ARHGEF16: variants seen among roughly 807,000 people sequenced by gnomAD.
ARHGEF16 encodes the protein Rho guanine exchange factor (GEF) 16.
Under a neutral mutation model 74.1 loss-of-function variants are expected in ARHGEF16, and 59 were observed. The observed-to-expected ratio is 0.80, with a 90% confidence interval of 0.65 to 0.99. ARHGEF16 has a LOEUF of 0.99. Ranked by LOEUF, ARHGEF16 falls within the 50% of genes least tolerant of loss-of-function variation. The probability of loss-of-function intolerance (pLI) is 0.00; values close to 1 mark genes in which losing one functional copy is unlikely to be tolerated. For missense variants in ARHGEF16, 948 were observed against 986.6 expected (o/e 0.96, Z 0.52); for synonymous variants, 415 against 412.6 (o/e 1.01, Z -0.07).
intron 2 of ARHGEF16, among the ~76,000 whole-genome samples, chr1:3,465,158 A>G (rs1259962330): frequency 2.0e-5 from 3 of 152,202 alleles, no homozygotes; most frequent in Non-Finnish European, 2.9e-5. Flanking sequence ...TGTTTATTTC[A>G]TGCAGTCAGC....
Position 3,480,562 on chromosome 1 carries a change from G to A in ARHGEF16, c.2105G>A (p.Arg702His), listed in dbSNP as rs745691728. The A allele has an allele frequency of 1.3e-5, 21 of 1,609,648 alleles. No homozygotes were observed. Among genetic ancestry groups the A allele is most frequent in the South Asian group, 2.2e-5 (2 of 91,078 alleles). The change falls in exon 15 of 15, where the codon CGT becomes CAT. Residue 702 changes from arginine to histidine, a missense_variant. Coordinates refer to ENST00000378378, the MANE Select transcript of ARHGEF16 (RefSeq NM_014448.4). Reference protein sequence around the residue: ...AVEGNVRRMERLRVETDV With the variant: ...AVEGNVRRMEHLRVETDV The stretch of plus-strand genomic sequence containing the variant: ...GAGGGCAATGTCCGCAGGATGGAGC[G>A]TCTGCGGGTGGAGACGGACGTGTAG...
chr1:3,459,223 A>C (rs1350970128), intron 1 of ARHGEF16, among the ~76,000 whole-genome samples: 3 of 152,120 alleles, frequency 2.0e-5, no homozygotes, highest in Non-Finnish European at 4.4e-5. Flanking sequence ...CACATCAGCA[A>C]GACAGCCAGA....
intron 9 of ARHGEF16, 95 bp downstream of exon 9, chr1:3,474,877 C>T: frequency 1.9e-6 from 2 of 1,064,340 alleles, no homozygotes; most frequent in East Asian, 2.8e-5. Flanking sequence ...GGGCTGGCTT[C>T]CCCTACCTTC....
At chr1:3,478,842 T>G (rs1426935173) in intron 12 of ARHGEF16, among the ~76,000 whole-genome samples, 25 of 125,522 alleles carry the variant, frequency 2.0e-4, no homozygotes, top group East Asian at 4.4e-4. Flanking sequence ...CCACCAGGAG[T>G]GGGAACAAGG....
chr1:3,478,100 T>A, intron 11 of ARHGEF16, 74 bp downstream of exon 11: 1 of 1,597,858 alleles, frequency 6.3e-7, no homozygotes, highest in Non-Finnish European at 8.5e-7. Flanking sequence ...GGCAGGAGGG[T>A]ACAGGGAGTT....
At chr1:3,459,796 C>T (rs994627167) in intron 1 of ARHGEF16, among the ~76,000 whole-genome samples, 3 of 152,136 alleles carry the variant, frequency 2.0e-5, no homozygotes, top group African/African-American at 4.8e-5. Context: ...TGGGGCTCAG[C>T]GCCTTCTGCC....
Position 3,480,589 on chromosome 1 carries a change from C to T in ARHGEF16, c.*2C>T, listed in dbSNP as rs760216579. ...CTGCGGGTGGAGACGGACGTGTAGCCCTGGCGAGGCCAGCCGGCGGCAGCA... is the reference window on the plus strand; with the variant it reads ...CTGCGGGTGGAGACGGACGTGTAGCTCTGGCGAGGCCAGCCGGCGGCAGCA... On this transcript the variant is annotated 3_prime_UTR_variant, in exon 15 of 15. Coordinates refer to ENST00000378378, the MANE Select transcript of ARHGEF16 (RefSeq NM_014448.4). 192 of 1,603,942 alleles carry T rather than the reference C, an allele frequency of 1.2e-4. No individual in the cohort carries two copies. Among genetic ancestry groups the T allele is most frequent in the Non-Finnish European group, 1.6e-4 (188 of 1,178,628 alleles).
intron 1 of ARHGEF16, among the ~76,000 whole-genome samples, chr1:3,455,087 C>T (rs913478908): frequency 6.6e-6 from 1 of 151,932 alleles, no homozygotes; most frequent in African/African-American, 2.4e-5. Context: ...CCCGCCCGCT[C>T]GCTCGCTGCC....
At chr1:3,469,407 G>A (rs1281135110) in intron 5 of ARHGEF16, 26 bp from the exon 6 acceptor site, 2 of 1,611,480 alleles carry the variant, frequency 1.2e-6, no homozygotes, top group Admixed American at 3.3e-5. Flanking sequence ...CGTCACTGTG[G>A]GGCTCACCTA....
At position 3,480,650 on chromosome 1, in the gene ARHGEF16, C is replaced by T; in HGVS notation, c.*63C>T. 6.4e-7 allele frequency: 1 copy of T among 1,566,886 alleles called. No individual in the cohort carries two copies. The highest frequency in any genetic ancestry group is 1.7e-5 in the Admixed American group (1 of 57,714). Reference sequence around the variant, plus strand: ...CCAATCAGCAAGTGGTCGTGCCTGGCTCTAGAGAGCGTGGGGAGCTGGTCT... The same window carrying T: ...CCAATCAGCAAGTGGTCGTGCCTGGTTCTAGAGAGCGTGGGGAGCTGGTCT... On this transcript the variant is annotated 3_prime_UTR_variant, in exon 15 of 15. Transcript: ENST00000378378.
intron 1 of ARHGEF16, among the ~76,000 whole-genome samples, chr1:3,459,159 C>G (rs61759236): frequency 0.028 from 4,212 of 152,208 alleles, 74 homozygotes; most frequent in Middle Eastern, 0.048. Flanking sequence ...CACATCAGCA[C>G]GACAATCAGA....
intron 4 of ARHGEF16, chr1:3,468,584 G>A: frequency 9.1e-6 from 4 of 440,694 alleles, no homozygotes; most frequent in Non-Finnish European, 1.3e-5. Flanking sequence ...TGTGGGACAA[G>A]ATCCCCCCCC....
chr1:3,473,363 G>C (rs369113277), intron 7 of ARHGEF16, 30 bp from the exon 8 acceptor site: 1 of 1,586,538 alleles, frequency 6.3e-7, no homozygotes, highest in Non-Finnish European at 8.6e-7. Context: ...GCCATGCAGA[G>C]CCTGGAAGGA....
At chr1:3,468,648 G>T in intron 4 of ARHGEF16, 1 of 562,840 alleles carries the variant, frequency 1.8e-6, no homozygotes, top group Non-Finnish European at 3.2e-6. Flanking sequence ...CTGCTTTGGG[G>T]CTCTGGCGGC....
intron 4 of ARHGEF16, among the ~76,000 whole-genome samples, chr1:3,468,095 G>A (rs534831822): frequency 6.6e-6 from 1 of 152,296 alleles, no homozygotes; most frequent in South Asian, 2.1e-4. Flanking sequence ...GAAAGGCCTA[G>A]AAGTGCAGTC....
rs1640005645 is a variant in ARHGEF16, at chr1:3,479,812, A to T, written c.1889A>T (p.Asp630Val). The T allele has an allele frequency of 6.2e-7, 1 of 1,611,986 alleles. No homozygotes were observed. Residue 630 changes from aspartate to valine, a missense_variant and splice_region_variant, in exon 14 of 15, where the codon GAC (aspartate) becomes GTC (valine). Asp to Val is a radical substitution (Grantham distance 152). Transcript: ENST00000378378. ...RQWQGLSSKG[D>V]LPQVEITKAF... The stretch of plus-strand genomic sequence containing the variant: ...CTGTGATGGCCACTGCCCTATGCAG[A>T]CCTGCCCCAGGTGGAGATCACCAAG...
At chr1:3,469,136 C>T (rs1485343131) in intron 5 of ARHGEF16, among the ~76,000 whole-genome samples, 200 bp downstream of exon 5, 1 of 152,198 alleles carries the variant, frequency 6.6e-6, no homozygotes, top group Non-Finnish European at 1.5e-5. Context: ...AGCCCCTTCA[C>T]GTCACCGGGT....
intron 1 of ARHGEF16, among the ~76,000 whole-genome samples, chr1:3,456,191 C>T (rs113982633): frequency 2.0e-5 from 3 of 152,194 alleles, no homozygotes; most frequent in African/African-American, 7.2e-5. Context: ...CCCACAGGAC[C>T]ACCCTATGTG....
rs1276664849 is a variant in ARHGEF16 at position 3,463,405 on chromosome 1, C to T, written c.321C>T (p.Ser107=). ...CAAAGACCCCAGCCCGCCACCAGAG[C>T]TTCGGGGCGGCTGTACTTAGCAGGG... ...SKAKTPARHQ[S]FGAAVLSREA... is the part of the protein sequence containing the mutation. Residue 107 remains serine, a synonymous_variant, in exon 2 of 15, where the codon AGC becomes AGT. Coordinates refer to ENST00000378378, the MANE Select transcript of ARHGEF16 (RefSeq NM_014448.4). 1.3e-6 allele frequency: 2 copies of T among 1,550,114 alleles called. No homozygotes were observed. Among genetic ancestry groups the T allele is most frequent in the Non-Finnish European group, 1.7e-6 (2 of 1,146,848 alleles).
Sources: gnomAD v4.1 joint callset for allele counts (sites outside exome capture counted in the v4.1 genomes callset) on GRCh38, gnomAD v4.1.1 for gene constraint, MANE v1.5 for transcripts, NCBI Gene and HGNC (gene_info 2026-07-23, HGNC 2026-07-21) for gene names.